Variants in RABGAP1L observed in about 807,000 individuals in gnomAD.
RABGAP1L encodes rab GTPase-activating protein 1-like.
Under a neutral mutation model 137.7 loss-of-function variants are expected in RABGAP1L, and 63 were observed. That is an observed-to-expected ratio of 0.46 (90% CI 0.37 to 0.56). The LOEUF (loss-of-function observed/expected upper bound fraction) is 0.56, where lower values mean the gene tolerates loss of function less well. Among genes scored for constraint, RABGAP1L ranks in the 20% least tolerant of loss-of-function variants. The probability of loss-of-function intolerance (pLI) is 0.00; values close to 1 mark genes in which losing one functional copy is unlikely to be tolerated. For synonymous variants in RABGAP1L, 431 were observed against 433.7 expected, an observed-to-expected ratio of 0.99 and a Z score of 0.08; for missense variants, 1,095 against 1,244.0, an observed-to-expected ratio of 0.88 and a Z score of 1.80.
chr1:174,498,922 T>G (rs1660997187), intron 13 of RABGAP1L, among the ~76,000 whole-genome samples: 1 of 152,166 alleles, frequency 6.6e-6, no homozygotes, highest in African/African-American at 2.4e-5. Context: ...TTTTCTTTGA[T>G]TTCTGTAGAG....
At chr1:174,300,855 G>A (rs187879358) in intron 10 of RABGAP1L, among the ~76,000 whole-genome samples, 3 of 152,186 alleles carry the variant, frequency 2.0e-5, no homozygotes, top group Non-Finnish European at 4.4e-5. Context: ...GACAGAGTGA[G>A]ACTCTATCTC....
intron 19 of RABGAP1L, among the ~76,000 whole-genome samples, chr1:174,859,102 C>A (rs936158049): frequency 2.6e-5 from 4 of 152,160 alleles, no homozygotes; most frequent in African/African-American, 9.7e-5. Context: ...TATAAAGACA[C>A]ATGCATGCGT....
chr1:174,415,028 A>G (rs925957705), intron 13 of RABGAP1L, among the ~76,000 whole-genome samples: 3 of 152,116 alleles, frequency 2.0e-5, no homozygotes, highest in African/African-American at 4.8e-5. Flanking sequence ...AAAATATTCT[A>G]TGTAAATACC....
intron 12 of RABGAP1L, among the ~76,000 whole-genome samples, chr1:174,383,150 C>T (rs200838272): frequency 0.071 from 10,762 of 150,634 alleles, 467 homozygotes; most frequent in East Asian, 0.31. Context: ...TGCCCGTTCT[C>T]AGATCTCCAG....
chr1:174,590,123 C>CTTTTTTTTTTTTTTTTTTTTTTTT, intron 13 of RABGAP1L, among the ~76,000 whole-genome samples: 1 of 59,780 alleles, frequency 1.7e-5, no homozygotes, highest in Non-Finnish European at 3.2e-5. Context: ...TCTTCAGTTT[C>CTTTTTTTTTTTTTTTTTTTTTTTT]TTTTTTTTTT....
At chr1:174,815,226 G>A (rs970502608) in intron 19 of RABGAP1L, among the ~76,000 whole-genome samples, 6 of 152,194 alleles carry the variant, frequency 3.9e-5, no homozygotes, top group Non-Finnish European at 5.9e-5. Context: ...TGCATGTGTA[G>A]GTAAGGATGT....
At chr1:174,826,295 G>A (rs960751086) in intron 19 of RABGAP1L, among the ~76,000 whole-genome samples, 1 of 151,866 alleles carries the variant, frequency 6.6e-6, no homozygotes, top group Admixed American at 6.6e-5. Flanking sequence ...GCAATGGTGC[G>A]ATCTTCCCTC....
At chr1:174,503,670 A>AAAAAAAG (rs1661545789) in intron 13 of RABGAP1L, among the ~76,000 whole-genome samples, 1 of 151,184 alleles carries the variant, frequency 6.6e-6, no homozygotes, top group Admixed American at 6.6e-5. Context: ...AAAAAAAAAA[A>AAAAAAAG]AAAAAGAAAT....
chr1:174,955,152 A>G (rs1668333498), intron 19 of RABGAP1L, among the ~76,000 whole-genome samples: 1 of 152,166 alleles, frequency 6.6e-6, no homozygotes. Context: ...GAGATGGAGT[A>G]ATAAAGGATT....
At chr1:174,904,368 C>G (rs1291699857) in intron 19 of RABGAP1L, among the ~76,000 whole-genome samples, 1 of 152,114 alleles carries the variant, frequency 6.6e-6, no homozygotes. Flanking sequence ...AAGACTATGT[C>G]TCTAAAACAA....
At chr1:174,544,548 C>T (rs1330804261) in intron 13 of RABGAP1L, among the ~76,000 whole-genome samples, 1 of 152,164 alleles carries the variant, frequency 6.6e-6, no homozygotes, top group Non-Finnish European at 1.5e-5. Flanking sequence ...CAAACATCGT[C>T]CTTTAGCTCG....
intron 14 of RABGAP1L, among the ~76,000 whole-genome samples, chr1:174,640,986 A>AT (rs201107740): frequency 0.58 from 84,555 of 145,648 alleles, 26,785 homozygotes; most frequent in African/African-American, 0.85. Flanking sequence ...ATTAAATATA[A>AT]TTTTAGATTA....
At position 174,664,730 on chromosome 1, in the gene RABGAP1L, C is replaced by CTTTTT. The variant is rs747671420; in HGVS notation, c.1825-18789_1825-18788insTTTTT. On this transcript the variant is annotated intron_variant, in intron 14 of 25. Transcript: ENST00000681986. Reference sequence around the variant, plus strand: ...CTCTCTCTTTCTTTCTTTCTTTCTGCTTTCTTTTTTTTTTTTTTTTTTTTT... The same window carrying CTTTTT: ...CTCTCTCTTTCTTTCTTTCTTTCTGCTTTTTTTTCTTTTTTTTTTTTTTTTTTTTT... 6.2e-3 allele frequency among the ~76,000 whole-genome samples: 613 copies of CTTTTT among 98,770 alleles called. 35 individuals are homozygous for CTTTTT. Among genetic ancestry groups the CTTTTT allele is most frequent in the East Asian group, 9.4e-3 (35 of 3,728 alleles). 64.8% of individuals were successfully genotyped at this position (98,770 alleles called of 152,430 possible). A position where few individuals can be genotyped will look rare whatever the true frequency, so the allele number is the denominator to read the frequency against.
intron 13 of RABGAP1L, among the ~76,000 whole-genome samples, chr1:174,455,843 G>A (rs1422248947): frequency 6.6e-6 from 1 of 152,054 alleles, no homozygotes; most frequent in Non-Finnish European, 1.5e-5. Flanking sequence ...GCTTCTGTGA[G>A]TAAACACTAT....
At chr1:174,674,991 C>T (rs1677499739) in intron 14 of RABGAP1L, among the ~76,000 whole-genome samples, 1 of 152,056 alleles carries the variant, frequency 6.6e-6, no homozygotes, top group East Asian at 1.9e-4. Flanking sequence ...GATATTAGCC[C>T]TTTGTCAGAT....
At position 174,448,543 on chromosome 1, in the gene RABGAP1L, C is replaced by A. The variant is rs1558243475; in HGVS notation, c.1710+54398C>A. 6 of 1,612,836 alleles carry A rather than the reference C, an allele frequency of 3.7e-6. No individual in the cohort carries two copies. Among genetic ancestry groups the A allele is most frequent in the Non-Finnish European group, 5.1e-6 (6 of 1,178,984 alleles). On this transcript the variant is annotated intron_variant, in intron 13 of 25. Transcript: ENST00000681986. This position sits in a 1 kb window ranked among gnomAD's most constrained non-coding sequence, Gnocchi z 4.2. ...GTGTGGATCGTTATCTTGCAATAAC[C>A]AAGCCTCTTTCCTACAATCAACTGG...
intron 13 of RABGAP1L, among the ~76,000 whole-genome samples, chr1:174,465,216 T>C (rs1657153077): frequency 6.6e-6 from 1 of 152,150 alleles, no homozygotes; most frequent in South Asian, 2.1e-4. Flanking sequence ...AGCATTTTTT[T>C]TGAGGCGGAG....
chr1:174,322,611 C>T (rs923441397), intron 11 of RABGAP1L, among the ~76,000 whole-genome samples: 1 of 152,102 alleles, frequency 6.6e-6, no homozygotes, highest in East Asian at 1.9e-4. Flanking sequence ...GTTTCAGTGC[C>T]TTATATTTCC....
intron 9 of RABGAP1L, among the ~76,000 whole-genome samples, chr1:174,278,408 A>G (rs1675197238): frequency 1.3e-5 from 2 of 152,202 alleles, no homozygotes; most frequent in Non-Finnish European, 2.9e-5. Flanking sequence ...AAAACAACAA[A>G]CACTTAGGAT....
Sources: allele counts gnomAD v4.1 joint callset (sites outside exome capture counted in the v4.1 genomes callset), GRCh38; gene constraint gnomAD v4.1.1; non-coding constraint Gnocchi (gnomAD v3.1); transcripts MANE v1.5; gene names NCBI Gene and HGNC (gene_info 2026-07-23, HGNC 2026-07-21).